Variants in SH3PXD2A observed in about 807,000 individuals in gnomAD.
The protein encoded by SH3PXD2A is SH3 and PX domain-containing protein 2A.
SH3PXD2A carries 32 observed loss-of-function variants against 115.2 expected under a neutral mutation model. The observed-to-expected ratio is 0.28, with a 90% confidence interval of 0.21 to 0.37. The LOEUF (loss-of-function observed/expected upper bound fraction) is 0.37, where lower values mean the gene tolerates loss of function less well. Ranked by LOEUF, SH3PXD2A falls within the 10% of genes least tolerant of loss-of-function variation. The pLI, the probability that SH3PXD2A is intolerant of heterozygous loss-of-function variation, is 1.00. For missense variants in SH3PXD2A, 1,328 were observed against 1,498.7 expected, an observed-to-expected ratio of 0.89 and a Z score of 1.88; for synonymous variants, 610 against 629.1, an observed-to-expected ratio of 0.97 and a Z score of 0.45.
intron 8 of SH3PXD2A, among the ~76,000 whole-genome samples, chr10:103,659,680 C>T (rs1404598163): frequency 6.6e-6 from 1 of 152,200 alleles, no homozygotes; most frequent in Non-Finnish European, 1.5e-5. Flanking sequence ...CTGCTGACCA[C>T]CTTGGTGATG....
Position 103,743,904 on chromosome 10 carries a change from C to T in SH3PXD2A, c.230-8096G>A, listed in dbSNP as rs575750498. Among the ~76,000 whole-genome samples, 14 of 152,292 alleles carry T rather than the reference C, an allele frequency of 9.2e-5. No homozygotes were observed. The East Asian group carries it at 2.5e-3, about 27-fold the overall frequency. ...TTCACACCTGAGTATGAGCAGGCAC[C>T]GGCTTCTCACTCAATAACAGGGTCT... On this transcript the variant is annotated intron_variant, in intron 3 of 14. Coordinates refer to ENST00000369774, the MANE Select transcript of SH3PXD2A (RefSeq NM_001394015.1).
At chr10:103,721,379 TG>T (rs567129283) in intron 5 of SH3PXD2A, among the ~76,000 whole-genome samples, 29 of 152,360 alleles carry the variant, frequency 1.9e-4, no homozygotes, top group Non-Finnish European at 3.4e-4. Context: ...AGCCATGGCC[TG>T]CTGCCTCCCC....
At chr10:103,692,796 C>G (rs1317696077) in intron 6 of SH3PXD2A, among the ~76,000 whole-genome samples, 1 of 152,136 alleles carries the variant, frequency 6.6e-6, no homozygotes, top group Admixed American at 6.5e-5. Flanking sequence ...GTAGCGGGAG[C>G]CCGAGCGAGT....
At chr10:103,621,129 G>C (rs1476658111) in intron 10 of SH3PXD2A, among the ~76,000 whole-genome samples, 2 of 152,200 alleles carry the variant, frequency 1.3e-5, no homozygotes, top group Admixed American at 6.5e-5. Context: ...AGTCGTATCT[G>C]TGGCCATGAG....
At chr10:103,804,194 C>T (rs1180733954) in intron 1 of SH3PXD2A, among the ~76,000 whole-genome samples, 1 of 152,050 alleles carries the variant, frequency 6.6e-6, no homozygotes, top group Non-Finnish European at 1.5e-5. Context: ...GTCTGATCCC[C>T]ACTTCCTGTC....
chr10:103,792,556 C>T (rs1222070400), intron 2 of SH3PXD2A, among the ~76,000 whole-genome samples: 1 of 152,160 alleles, frequency 6.6e-6, no homozygotes, highest in Non-Finnish European at 1.5e-5. Context: ...TTTCCTGTTA[C>T]CCAGTGAGGC....
intron 11 of SH3PXD2A, 75 bp from the exon 12 acceptor site, chr10:103,613,265 T>C (rs1299176051): frequency 8.2e-7 from 1 of 1,213,162 alleles, no homozygotes; most frequent in South Asian, 1.5e-5. Flanking sequence ...CTAGGATCCA[T>C]CTGGCCTTGC....
chr10:103,607,570 G>A (rs1266204533), intron 13 of SH3PXD2A, among the ~76,000 whole-genome samples: 2 of 151,500 alleles, frequency 1.3e-5, no homozygotes, highest in African/African-American at 4.9e-5. Flanking sequence ...CCGTCCGGGA[G>A]GTGAGGGGCG....
At position 103,815,719 on chromosome 10, in the gene SH3PXD2A, T is replaced by C. The variant is rs2039317487; in HGVS notation, c.73-14357A>G. ...GCCTGACCAACATGGTGAAACCCCG[T>C]CTCTACTAAAAATACAAGAAGTAGC... is the stretch of plus-strand genomic sequence containing the variant. On this transcript the variant is annotated intron_variant, in intron 1 of 14. Transcript: ENST00000369774. Among the ~76,000 whole-genome samples, 5 of 151,004 alleles carry C rather than the reference T, an allele frequency of 3.3e-5. No homozygotes were observed. In the South Asian group the frequency reaches 1.0e-3, roughly 31 times the overall value.
At chr10:103,803,839 TG>T (rs2039170576) in intron 1 of SH3PXD2A, among the ~76,000 whole-genome samples, 1 of 152,200 alleles carries the variant, frequency 6.6e-6, no homozygotes, top group South Asian at 2.1e-4. Flanking sequence ...CCAAGGTGGA[TG>T]GGGTACAGCC....
chr10:103,626,268 T>G (rs992828376), intron 9 of SH3PXD2A, among the ~76,000 whole-genome samples: 8 of 152,254 alleles, frequency 5.3e-5, no homozygotes, highest in Admixed American at 2.6e-4. Context: ...CTGCTTACTT[T>G]GGCCTGGCAG....
chr10:103,648,918 C>G (rs12251043), intron 8 of SH3PXD2A, among the ~76,000 whole-genome samples: 200 of 152,332 alleles, frequency 1.3e-3, no homozygotes, highest in African/African-American at 4.6e-3. Flanking sequence ...TGTTCCTTCT[C>G]CAGAAATTTA....
chr10:103,727,668 G>T (rs1292190490), intron 4 of SH3PXD2A, among the ~76,000 whole-genome samples: 1 of 152,240 alleles, frequency 6.6e-6, no homozygotes, highest in African/African-American at 2.4e-5. Context: ...AGGGAACAGA[G>T]GGGCTCTTCA....
intron 8 of SH3PXD2A, among the ~76,000 whole-genome samples, chr10:103,652,216 C>T (rs781331097): frequency 6.6e-6 from 1 of 152,214 alleles, no homozygotes; most frequent in African/African-American, 2.4e-5. Flanking sequence ...TAATCATGCA[C>T]GGCATATTTC....
chr10:103,745,683 C>T (rs576312734), intron 3 of SH3PXD2A, among the ~76,000 whole-genome samples: 2 of 152,292 alleles, frequency 1.3e-5, no homozygotes, highest in African/African-American at 4.8e-5. Context: ...GAAGCATTTC[C>T]CAGGCACCCA....
intron 8 of SH3PXD2A, among the ~76,000 whole-genome samples, chr10:103,637,070 C>T (rs953888865): frequency 1.3e-5 from 2 of 152,210 alleles, no homozygotes; most frequent in Non-Finnish European, 2.9e-5. Flanking sequence ...TTCCCGAGCA[C>T]CTGGTACGGG....
At chr10:103,809,346 G>T (rs941444611) in intron 1 of SH3PXD2A, among the ~76,000 whole-genome samples, 1 of 152,180 alleles carries the variant, frequency 6.6e-6, no homozygotes, top group African/African-American at 2.4e-5. Context: ...TTCAGAATCA[G>T]TCATAGTAAA....
intron 3 of SH3PXD2A, among the ~76,000 whole-genome samples, chr10:103,751,637 C>A (rs1160764392): frequency 6.6e-6 from 1 of 152,218 alleles, no homozygotes; most frequent in Non-Finnish European, 1.5e-5. Flanking sequence ...CTCATGGGCA[C>A]AGATGAAAAA....
chr10:103,637,693 G>A, intron 8 of SH3PXD2A, among the ~76,000 whole-genome samples: 1 of 152,176 alleles, frequency 6.6e-6, no homozygotes, highest in Non-Finnish European at 1.5e-5. Flanking sequence ...GTGCGGGTTT[G>A]GAGAAGGGAA....
Sources: allele counts gnomAD v4.1 joint callset (sites outside exome capture counted in the v4.1 genomes callset), GRCh38; gene constraint gnomAD v4.1.1; transcripts MANE v1.5; gene names NCBI Gene and HGNC (gene_info 2026-07-23, HGNC 2026-07-21).